The following CFAP299 variants were observed in gnomAD, a reference collection of about 807,000 sequenced individuals.
CFAP299 encodes cilia- and flagella-associated protein 299.
In CFAP299, 21 loss-of-function variants were observed where a neutral mutation model predicts 27.0. That is an observed-to-expected ratio of 0.78 (90% CI 0.55 to 1.12). The LOEUF is 1.12. Ranked by LOEUF, CFAP299 falls within the 50% of genes most tolerant of loss-of-function variation. The pLI is 0.00. For synonymous variants in CFAP299, 104 were observed against 98.1 expected (o/e 1.06, Z -0.36); for missense variants, 310 against 276.6 (o/e 1.12, Z -0.86).
At chr4:80,877,775 TA>T (rs199546804) in intron 4 of CFAP299, among the ~76,000 whole-genome samples, 8 of 152,114 alleles carry the variant, frequency 5.3e-5, no homozygotes, top group African/African-American at 1.7e-4. Context: ...TTTTTATTAT[TA>T]ATTTTTTTTA....
At chr4:80,394,449 T>C (rs1419932182) in intron 2 of CFAP299, among the ~76,000 whole-genome samples, 1 of 152,018 alleles carries the variant, frequency 6.6e-6, no homozygotes, top group African/African-American at 2.4e-5. Context: ...TTGTCTATTT[T>C]TGTTTTTGTT....
intron 2 of CFAP299, among the ~76,000 whole-genome samples, chr4:80,505,447 C>T (rs1345621139): frequency 2.4e-5 from 2 of 81,780 alleles, no homozygotes; most frequent in African/African-American, 8.7e-5. Context: ...ATCCCCTTCT[C>T]TCATGCCAGT....
intron 3 of CFAP299, among the ~76,000 whole-genome samples, chr4:80,623,063 G>A (rs1447163401): frequency 6.6e-6 from 1 of 152,076 alleles, no homozygotes; most frequent in Non-Finnish European, 1.5e-5. Context: ...GTTAGTGACT[G>A]ACCGATCTCA....
intron 3 of CFAP299, among the ~76,000 whole-genome samples, chr4:80,843,594 C>G (rs574537916): frequency 6.6e-6 from 1 of 151,924 alleles, no homozygotes; most frequent in Non-Finnish European, 1.5e-5. Context: ...GGTATATACC[C>G]AGTAACGGGG....
intron 3 of CFAP299, among the ~76,000 whole-genome samples, chr4:80,688,017 C>T (rs941537055): frequency 2.6e-5 from 4 of 152,334 alleles, no homozygotes; most frequent in Non-Finnish European, 2.9e-5. Flanking sequence ...GATTGTGTCC[C>T]GCACCTGGCT....
intron 2 of CFAP299, among the ~76,000 whole-genome samples, chr4:80,446,561 T>C (rs2969283): frequency 2.6e-5 from 4 of 152,218 alleles, no homozygotes; most frequent in African/African-American, 9.6e-5. Flanking sequence ...ATTATACTAT[T>C]TGGGCCTTTG....
intron 3 of CFAP299, among the ~76,000 whole-genome samples, chr4:80,861,224 A>G (rs1439132717): frequency 4.6e-5 from 7 of 152,116 alleles, no homozygotes; most frequent in Non-Finnish European, 1.0e-4. Context: ...CAGGTGCAGG[A>G]TATAATCTCC....
rs529048905 is a variant in CFAP299, at chr4:80,761,980, A to G, written c.334-108013A>G. Among the ~76,000 whole-genome samples the G allele has an allele frequency of 4.6e-5, 7 of 152,134 alleles. No individual in the cohort carries two copies. The East Asian group carries it at 1.4e-3, about 29-fold the overall frequency. On this transcript the variant is annotated intron_variant, in intron 3 of 5. Transcript: ENST00000358105. Reference sequence around the variant, plus strand: ...ATGGAGAAGAATAAAAAATACAAAAACAGATTTCAGTGTTTAAGTATTTGT... The same window carrying G: ...ATGGAGAAGAATAAAAAATACAAAAGCAGATTTCAGTGTTTAAGTATTTGT...
rs558264048 is a variant in CFAP299 at position 80,533,049 on chromosome 4, T to A, written c.243-50044T>A. On this transcript the variant is annotated intron_variant, in intron 2 of 5. Transcript: ENST00000358105. ...TTCCCATCTAACAATATCCCAACCT[T>A]ATGTATACTAAGCTTTATTGAATTC... 2.6e-5 allele frequency among the ~76,000 whole-genome samples: 4 copies of A among 152,360 alleles called. No individual in the cohort carries two copies. In the South Asian group the frequency reaches 8.3e-4, roughly 32 times the overall value.
rs868623479 is a variant in CFAP299 at position 80,925,759 on chromosome 4, C to T, written c.477-19051C>T. ...TGAAGATGAATGTCAAGTCACAAGA[C>T]TCATGCCAGTCTCGTGGTAATGAAG... On this transcript the variant is annotated intron_variant, in intron 4 of 5. Coordinates refer to ENST00000358105, the MANE Select transcript of CFAP299 (RefSeq NM_152770.3). Among the ~76,000 whole-genome samples, 21 of 152,070 alleles carry T rather than the reference C, an allele frequency of 1.4e-4. No homozygotes were observed. The Middle Eastern group carries it at 0.014, about 99-fold the overall frequency.
At chr4:80,794,741 G>A (rs1485116461) in intron 3 of CFAP299, among the ~76,000 whole-genome samples, 2 of 152,190 alleles carry the variant, frequency 1.3e-5, no homozygotes, top group African/African-American at 4.8e-5. Flanking sequence ...CAGAAGCATT[G>A]TGTGCAAGAT....
chr4:80,800,329 T>TTAATATATATAATATA (rs1560418662), intron 3 of CFAP299, among the ~76,000 whole-genome samples: 1 of 71,124 alleles, frequency 1.4e-5, no homozygotes, highest in Non-Finnish European at 2.3e-5. Context: ...TACATTAATA[T>TTAATATATATAATATA]TAATATATAT....
chr4:80,846,301 G>C (rs544852999), intron 3 of CFAP299, among the ~76,000 whole-genome samples: 3 of 152,158 alleles, frequency 2.0e-5, no homozygotes, highest in Non-Finnish European at 4.4e-5. Context: ...AGGAGAGGAA[G>C]CTCATTCCAT....
chr4:80,490,482 T>C (rs1731059263), intron 2 of CFAP299, among the ~76,000 whole-genome samples: 1 of 152,220 alleles, frequency 6.6e-6, no homozygotes, highest in South Asian at 2.1e-4. Context: ...GATCTGTGAG[T>C]ACAGAAAGCT....
At chr4:80,406,913 A>G (rs1726457328) in intron 2 of CFAP299, among the ~76,000 whole-genome samples, 1 of 152,170 alleles carries the variant, frequency 6.6e-6, no homozygotes, top group Non-Finnish European at 1.5e-5. Context: ...ACTTACCTAA[A>G]ATCAGTCAGT....
At chr4:80,704,644 C>T (rs1004253475) in intron 3 of CFAP299, among the ~76,000 whole-genome samples, 4 of 151,684 alleles carry the variant, frequency 2.6e-5, no homozygotes, top group Non-Finnish European at 4.4e-5. Context: ...AAAGATCAAA[C>T]ATTCCTGAAA....
Position 80,684,463 on chromosome 4 carries a change from C to A in CFAP299, c.333+101280C>A, listed in dbSNP as rs562242074. 2.6e-5 allele frequency among the ~76,000 whole-genome samples: 4 copies of A among 152,236 alleles called. No individual in the cohort carries two copies. In the South Asian group the frequency reaches 8.3e-4, roughly 32 times the overall value. On this transcript the variant is annotated intron_variant, in intron 3 of 5. Coordinates refer to ENST00000358105, the MANE Select transcript of CFAP299 (RefSeq NM_152770.3). ...TATTTTTTTAGTAGAGACGGGGTTTCACCGCGTTAGCCAGGATGGTTTCGA... is the reference window on the plus strand; with the variant it reads ...TATTTTTTTAGTAGAGACGGGGTTTAACCGCGTTAGCCAGGATGGTTTCGA...
At chr4:80,669,149 CTT>C (rs869091451) in intron 3 of CFAP299, among the ~76,000 whole-genome samples, 13 of 17,152 alleles carry the variant, frequency 7.6e-4, no homozygotes, top group African/African-American at 2.4e-3. Flanking sequence ...TTCTTTCTTT[CTT>C]TTTTTTTTTT....
intron 3 of CFAP299, among the ~76,000 whole-genome samples, chr4:80,856,416 C>T (rs1409900992): frequency 6.6e-6 from 1 of 151,618 alleles, no homozygotes; most frequent in East Asian, 1.9e-4. Context: ...AATTAGATCC[C>T]ATTTGTCAAT....
Sources: gnomAD v4.1 joint callset for allele counts (sites outside exome capture counted in the v4.1 genomes callset) on GRCh38, gnomAD v4.1.1 for gene constraint, MANE v1.5 for transcripts, NCBI Gene and HGNC (gene_info 2026-07-23, HGNC 2026-07-21) for gene names.